NKAIN2: variants seen among roughly 807,000 people sequenced by gnomAD.
NKAIN2 encodes sodium/potassium-transporting ATPase subunit beta-1-interacting protein 2.
Under a neutral mutation model 32.6 loss-of-function variants are expected in NKAIN2, and 14 were observed. That is an observed-to-expected ratio of 0.43 (90% CI 0.28 to 0.67). The LOEUF is 0.67. Ranked by LOEUF, NKAIN2 falls within the 30% of genes least tolerant of loss-of-function variation. The pLI, the probability that NKAIN2 is intolerant of heterozygous loss-of-function variation, is 0.17. For synonymous variants in NKAIN2, 80 were observed against 87.2 expected, an observed-to-expected ratio of 0.92 and a Z score of 0.46; for missense variants, 198 against 258.3, an observed-to-expected ratio of 0.77 and a Z score of 1.60.
At chr6:124,778,183 G>A (rs529469401) in intron 4 of NKAIN2, among the ~76,000 whole-genome samples, 1 of 152,132 alleles carries the variant, frequency 6.6e-6, no homozygotes, top group South Asian at 2.1e-4. Flanking sequence ...GTAATAACAA[G>A]CTCATGCCTT....
intron 2 of NKAIN2, among the ~76,000 whole-genome samples, chr6:124,318,200 C>G: frequency 6.6e-6 from 1 of 151,936 alleles, no homozygotes; most frequent in East Asian, 1.9e-4. Context: ...ATTAGAGGAC[C>G]TAAACAGATT....
chr6:124,777,061 A>G (rs891057496), intron 4 of NKAIN2, among the ~76,000 whole-genome samples: 3 of 152,196 alleles, frequency 2.0e-5, no homozygotes, highest in South Asian at 2.1e-4. Flanking sequence ...TCAAGGTAAT[A>G]TATGCTCATG....
In NKAIN2 at chr6:124,777,563, T is replaced by C. The variant is rs533486083; in HGVS notation, c.475-13776T>C. Among the ~76,000 whole-genome samples, 10 of 152,344 alleles carry C rather than the reference T, an allele frequency of 6.6e-5. No homozygotes were observed. The South Asian group carries it at 1.2e-3, about 19-fold the overall frequency. On this transcript the variant is annotated intron_variant, in intron 4 of 6. Transcript: ENST00000368417. ...AATACTATACTAATGCTAATTGTTA[T>C]TATTCACTAATATTCTCATATTGAA... is the stretch of plus-strand genomic sequence containing the variant.
chr6:123,905,039 G>T (rs1481261703), intron 1 of NKAIN2, among the ~76,000 whole-genome samples: 1 of 152,088 alleles, frequency 6.6e-6, no homozygotes, highest in Non-Finnish European at 1.5e-5. Context: ...TGAAAAACTA[G>T]AAAATGGAAA....
At chr6:124,217,008 A>G (rs1791514152) in intron 1 of NKAIN2, among the ~76,000 whole-genome samples, 1 of 152,224 alleles carries the variant, frequency 6.6e-6, no homozygotes, top group Non-Finnish European at 1.5e-5. Context: ...AATTTCTAAT[A>G]ATAAATATAA....
chr6:124,148,337 A>T (rs1228982967), intron 1 of NKAIN2, among the ~76,000 whole-genome samples: 1 of 152,096 alleles, frequency 6.6e-6, no homozygotes, highest in Non-Finnish European at 1.5e-5. Context: ...TTGTGCAACC[A>T]TTATCACAGT....
At chr6:124,548,684 A>G (rs1780182094) in intron 3 of NKAIN2, among the ~76,000 whole-genome samples, 1 of 152,226 alleles carries the variant, frequency 6.6e-6, no homozygotes, top group Non-Finnish European at 1.5e-5. Flanking sequence ...GAAGACAGTC[A>G]AGGACTAAAT....
At chr6:124,719,580 CTTTTG>C (rs975468504) in intron 4 of NKAIN2, among the ~76,000 whole-genome samples, 10 of 151,924 alleles carry the variant, frequency 6.6e-5, no homozygotes, top group South Asian at 4.1e-4. Context: ...GTTTCTTTTT[CTTTTG>C]TTTTGTTTTG....
chr6:124,725,446 A>T (rs1454999522), intron 4 of NKAIN2, among the ~76,000 whole-genome samples: 1 of 152,134 alleles, frequency 6.6e-6, no homozygotes, highest in African/African-American at 2.4e-5. Flanking sequence ...GGGCCTCATC[A>T]TCCTGGAATA....
intron 4 of NKAIN2, among the ~76,000 whole-genome samples, chr6:124,739,846 G>GA (rs1409841454): frequency 6.6e-6 from 1 of 151,844 alleles, no homozygotes; most frequent in Non-Finnish European, 1.5e-5. Context: ...GGCATCTAAA[G>GA]AAACTTAATG....
chr6:124,666,272 G>C (rs2114457881), intron 4 of NKAIN2, among the ~76,000 whole-genome samples: 1 of 152,240 alleles, frequency 6.6e-6, no homozygotes, highest in African/African-American at 2.4e-5. Context: ...TAAATAGAGA[G>C]TTTTCCCTAT....
At chr6:124,150,439 A>C in intron 1 of NKAIN2, among the ~76,000 whole-genome samples, 1 of 152,134 alleles carries the variant, frequency 6.6e-6, no homozygotes, top group East Asian at 1.9e-4. Flanking sequence ...TATTTTATAA[A>C]TATTTTATTT....
At position 123,844,027 on chromosome 6, in the gene NKAIN2, T is replaced by G. The variant is rs139723863; in HGVS notation, c.54+39773T>G. 9.7e-4 allele frequency among the ~76,000 whole-genome samples: 147 copies of G among 152,236 alleles called. 1 individual carries two copies. In the East Asian group the frequency reaches 0.022, roughly 22 times the overall value. ...GATAAGTTCCGCTTTGGAGGTTCTG[T>G]CATCAGGTAGGTAAGAGAACTTATG... On this transcript the variant is annotated intron_variant, in intron 1 of 6. Transcript: ENST00000368417.
At chr6:124,150,518 A>C (rs1213169942) in intron 1 of NKAIN2, among the ~76,000 whole-genome samples, 1 of 152,180 alleles carries the variant, frequency 6.6e-6, no homozygotes, top group Non-Finnish European at 1.5e-5. Flanking sequence ...CATCCTATTC[A>C]TTAATCTGTC....
rs1262739987 is a variant in NKAIN2, at chr6:123,901,420, TTGA to T, written c.54+97169_54+97171del. Reference sequence around the variant, plus strand: ...ATGGCAGGATCCAGTTTAATATTTCTTGATGTTTTTGAAATATTTCATAAATTC... The same window carrying T: ...ATGGCAGGATCCAGTTTAATATTTCTTGTTTTTGAAATATTTCATAAATTC... On this transcript the variant is annotated intron_variant, in intron 1 of 6. Coordinates refer to ENST00000368417, the MANE Select transcript of NKAIN2 (RefSeq NM_001040214.3). 1.1e-3 allele frequency among the ~76,000 whole-genome samples: 165 copies of T among 152,290 alleles called. 1 individual carries two copies. Among genetic ancestry groups the T allele is most frequent in the African/African-American group, 3.6e-3 (151 of 41,578 alleles).
intron 1 of NKAIN2, among the ~76,000 whole-genome samples, chr6:124,253,274 C>T (rs1223660594): frequency 6.6e-6 from 1 of 152,104 alleles, no homozygotes; most frequent in Non-Finnish European, 1.5e-5. Flanking sequence ...TATCTTTTAT[C>T]AAAATGTCAT....
chr6:124,396,546 A>C (rs893657727), intron 3 of NKAIN2, among the ~76,000 whole-genome samples: 1 of 152,152 alleles, frequency 6.6e-6, no homozygotes, highest in African/African-American at 2.4e-5. Flanking sequence ...GAATAGTTTT[A>C]ATGAAACACG....
chr6:124,445,432 A>C (rs897773010), intron 3 of NKAIN2, among the ~76,000 whole-genome samples: 1 of 152,066 alleles, frequency 6.6e-6, no homozygotes, highest in Non-Finnish European at 1.5e-5. Context: ...TTGTTGTCTA[A>C]ATTGCATTTT....
At chr6:124,239,950 C>A (rs763915145) in intron 1 of NKAIN2, among the ~76,000 whole-genome samples, 1 of 152,050 alleles carries the variant, frequency 6.6e-6, no homozygotes, top group Admixed American at 6.6e-5. Flanking sequence ...ATCAATGAAT[C>A]CAGGAGCTGG....
Sources: gnomAD v4.1 joint callset for allele counts (sites outside exome capture counted in the v4.1 genomes callset) on GRCh38, gnomAD v4.1.1 for gene constraint, MANE v1.5 for transcripts, NCBI Gene and HGNC (gene_info 2026-07-23, HGNC 2026-07-21) for gene names.